Variants in NAA38 observed in about 807,000 individuals in gnomAD.
NAA38 encodes N-alpha-acetyltransferase 38, NatC auxiliary subunit.
In NAA38, 15 loss-of-function variants were observed where a neutral mutation model predicts 12.6. The ratio of observed to expected loss-of-function variants is 1.19; its 90% CI spans 0.79 to 1.83. The LOEUF is 1.83. Ranked by LOEUF, NAA38 falls within the 40% of genes most tolerant of loss-of-function variation. The probability of loss-of-function intolerance (pLI) is 0.00; values close to 1 mark genes in which losing one functional copy is unlikely to be tolerated. For missense variants in NAA38, 183 were observed against 171.7 expected (o/e 1.07, Z -0.37); for synonymous variants, 88 against 69.9 (o/e 1.26, Z -1.29).
At chr17:7,873,890 G>A (rs1375767110) in intron 2 of NAA38, among the ~76,000 whole-genome samples, 1 of 152,146 alleles carries the variant, frequency 6.6e-6, no homozygotes, top group Non-Finnish European at 1.5e-5. Context: ...ACTAGTGTAA[G>A]GAGAAGGTTT....
chr17:7,858,654 C>A, upstream of NAA38: 1 of 1,609,054 alleles, frequency 6.2e-7, no homozygotes, highest in Non-Finnish European at 8.5e-7. Flanking sequence ...GTACTGCACC[C>A]CGCGGGGCCG....
At position 7,857,475 on chromosome 17, in the gene NAA38, C is replaced by A; in HGVS notation, c.-12G>T. ...CCAGCTCCGGCCATTTGCCCGGAGG[C>A]CTCCTCTGGGCCTTTCAACTTCCTA... On this transcript the variant is annotated 5_prime_UTR_variant, in exon 1 of 3. Coordinates refer to ENST00000575771, the MANE Select transcript of NAA38 (RefSeq NM_001320925.4). The A allele has an allele frequency of 6.6e-7, 1 of 1,522,554 alleles. No homozygotes were observed. The highest frequency in any genetic ancestry group is 8.8e-7 in the Non-Finnish European group (1 of 1,135,254). 94.3% of individuals were successfully genotyped at this position (1,522,554 alleles called of 1,614,324 possible). A position where few individuals can be genotyped will look rare whatever the true frequency, so the allele number is the denominator to read the frequency against.
At chr17:7,859,337 AC>A (rs2078864788), upstream of NAA38, 3 of 1,505,764 alleles carry the variant, frequency 2.0e-6, no homozygotes, top group East Asian at 6.8e-5. Context: ...GTATATGTAT[AC>A]TCCATCCAGA....
intron 3 of NAA38, chr17:7,865,430 G>C (rs1966947052): frequency 6.6e-6 from 1 of 152,216 alleles, no homozygotes; most frequent in African/African-American, 2.4e-5. Flanking sequence ...TATGGGTAGG[G>C]CTCAGCAGGG....
chr17:7,884,910 A>AGGT, intron 1 of NAA38: 2 of 1,289,326 alleles, frequency 1.6e-6, no homozygotes, highest in Non-Finnish European at 1.0e-6. Context: ...GAGGAGGAGG[A>AGGT]GGTGGAGGCG....
upstream of NAA38, chr17:7,861,889 A>C (rs2078885690): frequency 6.6e-6 from 1 of 152,224 alleles, no homozygotes; most frequent in Admixed American, 6.5e-5. Flanking sequence ...ATCTTGTATA[A>C]ATCAGGCTCA....
rs2078827227 is a variant in NAA38 at position 7,857,142 on chromosome 17, C to T, written c.138G>A (p.Glu46=). The T allele has an allele frequency of 1.2e-6, 2 of 1,613,046 alleles. No individual in the cohort carries two copies. Among genetic ancestry groups the T allele is most frequent in the East Asian group, 2.2e-5 (1 of 44,848 alleles). ...TGCGCATAGTCTTGTTGAGCAGCGC[C>T]TCTAGCTGCTGTCGGGCGCGCTCAG... ...SAAERARQQL[E]ALLNKTMRIR... The change falls in exon 2 of 3, where the codon GAG becomes GAA. Residue 46 remains glutamate, a synonymous_variant. Transcript: ENST00000575771.
intron 3 of NAA38, chr17:7,866,413 G>A (rs557353640): frequency 7.5e-5 from 87 of 1,157,668 alleles, no homozygotes; most frequent in Admixed American, 3.4e-4. Flanking sequence ...CGGCCGCCAC[G>A]GGGAACTTTT....
upstream of NAA38, chr17:7,859,375 T>C (rs2078865332): frequency 5.0e-6 from 8 of 1,611,458 alleles, no homozygotes; most frequent in Non-Finnish European, 6.8e-6. Flanking sequence ...GCTTCTGTGT[T>C]CTCCAGGTGG....
chr17:7,859,669 G>C (rs1466397580), upstream of NAA38: 5 of 1,545,600 alleles, frequency 3.2e-6, no homozygotes, highest in African/African-American at 6.8e-5. Flanking sequence ...GGCTTTTTCT[G>C]TGCCTTGAGG....
At chr17:7,856,924 A>T (rs2078822473) in intron 2 of NAA38, 81 bp from the exon 3 acceptor site, 1 of 1,592,276 alleles carries the variant, frequency 6.3e-7, no homozygotes, top group Admixed American at 1.7e-5. Flanking sequence ...AGCCCCAGAA[A>T]ACAAGGGTTG....
chr17:7,869,922 AGT>A (rs1967057125), intron 2 of NAA38, among the ~76,000 whole-genome samples: 2 of 152,322 alleles, frequency 1.3e-5, no homozygotes, highest in South Asian at 4.1e-4. Context: ...AGCTGGGAAA[AGT>A]GTGCAATTCT....
rs188181457 is a variant in NAA38 at position 7,856,858 on chromosome 17, C to G, written c.266-15G>C. On this transcript the variant is annotated splice_polypyrimidine_tract_variant and intron_variant, in intron 2 of 2. Transcript: ENST00000575771. The stretch of plus-strand genomic sequence containing the variant: ...AGAGAAGGAATCTGGAAAGAAGGAT[C>G]AGAGCATCAGGAAAGTAGGCCAGAA... 2 of 1,612,742 alleles carry G rather than the reference C, an allele frequency of 1.2e-6. No individual in the cohort carries two copies. The highest frequency in any genetic ancestry group is 1.3e-5 in the African/African-American group (1 of 75,040).
At chr17:7,869,652 A>G (rs1597879728) in intron 2 of NAA38, among the ~76,000 whole-genome samples, 1 of 152,196 alleles carries the variant, frequency 6.6e-6, no homozygotes, top group East Asian at 1.9e-4. Context: ...AATCCCAGCT[A>G]CTTGGAAGGC....
chr17:7,869,904 A>G (rs1386605060), intron 2 of NAA38, among the ~76,000 whole-genome samples: 2 of 152,254 alleles, frequency 1.3e-5, no homozygotes, highest in Non-Finnish European at 2.9e-5. Flanking sequence ...CCTAAAGGAT[A>G]GTTAATCAGC....
At chr17:7,884,413 A>G (rs1967421003) in intron 1 of NAA38, among the ~76,000 whole-genome samples, 1 of 147,184 alleles carries the variant, frequency 6.8e-6, no homozygotes, top group African/African-American at 2.5e-5. Flanking sequence ...ATTTAAAGCA[A>G]CGGAGAGGGG....
At chr17:7,870,405 A>G (rs1967065357) in intron 2 of NAA38, among the ~76,000 whole-genome samples, 1 of 152,202 alleles carries the variant, frequency 6.6e-6, no homozygotes, top group Non-Finnish European at 1.5e-5. Flanking sequence ...GAGCAAGGAA[A>G]TGGATTTAGC....
chr17:7,876,859 C>A (rs746539072), intron 2 of NAA38, among the ~76,000 whole-genome samples: 1 of 152,098 alleles, frequency 6.6e-6, no homozygotes, highest in African/African-American at 2.4e-5. Flanking sequence ...CCTGTATATT[C>A]TTCCAGGAAT....
Position 7,857,425 on chromosome 17 carries a change from C to G in NAA38, c.39G>C (p.Glu13Asp). Residue 13 changes from glutamate to aspartate, a missense_variant, in exon 1 of 3, where the codon GAG (glutamate) becomes GAC (aspartate). Physicochemically the swap from Glu to Asp is conservative, Grantham distance 45 (BLOSUM62 2). Coordinates refer to ENST00000575771, the MANE Select transcript of NAA38 (RefSeq NM_001320925.4). Reference protein sequence around the residue: ...GAGPTMLLREENGCCSRRQSS... With the variant: ...GAGPTMLLREDNGCCSRRQSS... ...TCTGACGCCGACTGCAACAGCCATT[C>G]TCTTCTCGTAGCAGCATGGTCGGTC... is the stretch of plus-strand genomic sequence containing the variant. 5.7e-6 allele frequency: 9 copies of G among 1,591,100 alleles called. No homozygotes were observed. The highest frequency in any genetic ancestry group is 7.7e-6 in the Non-Finnish European group (9 of 1,171,002).
Sources: allele counts gnomAD v4.1 joint callset (sites outside exome capture counted in the v4.1 genomes callset), GRCh38; gene constraint gnomAD v4.1.1; transcripts MANE v1.5; gene names NCBI Gene and HGNC (gene_info 2026-07-23, HGNC 2026-07-21).